EPN2: variants seen among roughly 807,000 people sequenced by gnomAD.
EPN2 encodes the protein epsin 2.
Under a neutral mutation model 61.7 loss-of-function variants are expected in EPN2, and 34 were observed. The observed-to-expected ratio is 0.55, with a 90% CI of 0.42 to 0.73. EPN2 has a LOEUF of 0.73. Ranked by LOEUF, EPN2 falls within the 30% of genes least tolerant of loss-of-function variation. The pLI is 0.00. For synonymous variants in EPN2, 349 were observed against 353.6 expected (o/e 0.99, Z 0.15); for missense variants, 714 against 839.2 (o/e 0.85, Z 1.84).
chr17:19,282,852 C>A (rs1273182059), intron 2 of EPN2, 98 bp from the exon 3 acceptor site: 2 of 399,614 alleles, frequency 5.0e-6, no homozygotes, highest in Non-Finnish European at 9.0e-6. Flanking sequence ...TATGTCCACT[C>A]AGCTCCCCAG....
intron 4 of EPN2, among the ~76,000 whole-genome samples, chr17:19,294,573 TAGA>T (rs2045496807): frequency 2.0e-5 from 3 of 152,254 alleles, no homozygotes; most frequent in Admixed American, 2.0e-4. Context: ...TCAATAAGTG[TAGA>T]AGGTTTCTCG....
rs574471766 is a variant in EPN2 at position 19,329,330 on chromosome 17, G to A, written c.1325-231G>A. The A allele has an allele frequency of 3.7e-5, 18 of 488,460 alleles. No individual in the cohort carries two copies. In the South Asian group the frequency reaches 6.4e-4, roughly 17 times the overall value. 30.3% of individuals were successfully genotyped at this position (488,460 alleles called of 1,614,324 possible). A position where few individuals can be genotyped will look rare whatever the true frequency, so the allele number is the denominator to read the frequency against. On this transcript the variant is annotated intron_variant, in intron 8 of 10. Coordinates refer to ENST00000314728, the MANE Select transcript of EPN2 (RefSeq NM_014964.5). ...GTGAGGGTGTTAGAAGCAGTAGCAG[G>A]TGGGCATCCCACACCCTGTCCTGGG... is the stretch of plus-strand genomic sequence containing the variant.
intron 7 of EPN2, among the ~76,000 whole-genome samples, chr17:19,324,454 C>T (rs1240559826): frequency 6.6e-6 from 1 of 152,172 alleles, no homozygotes; most frequent in Non-Finnish European, 1.5e-5. Flanking sequence ...CTGCCTCAGT[C>T]TCCCGAGTAG....
At chr17:19,306,491 T>C (rs575882963) in intron 4 of EPN2, among the ~76,000 whole-genome samples, 18 of 152,384 alleles carry the variant, frequency 1.2e-4, no homozygotes, top group Non-Finnish European at 1.8e-4. Context: ...TTGTCTTTAA[T>C]TTCTACATTG....
intron 4 of EPN2, among the ~76,000 whole-genome samples, chr17:19,287,281 C>T (rs1256632197): frequency 1.3e-5 from 2 of 152,042 alleles, no homozygotes; most frequent in African/African-American, 2.4e-5. Flanking sequence ...TTAAGGTATC[C>T]ACCCCGTGTG....
chr17:19,283,473 C>T lies in EPN2; in HGVS notation c.354C>T (p.Asp118=), dbSNP rs747758321. 1 of 1,614,190 alleles carries T rather than the reference C, an allele frequency of 6.2e-7. No homozygotes were observed. ...DFQYIDRDGK[D]QGINVREKSK... ...AGTACATTGACCGAGATGGCAAGGACCAGGGCATCAATGTGCGTGAGAAGT... is the reference window on the plus strand; with the variant it reads ...AGTACATTGACCGAGATGGCAAGGATCAGGGCATCAATGTGCGTGAGAAGT... Residue 118 remains aspartate, a synonymous_variant, in exon 3 of 11, where the codon GAC becomes GAT. Coordinates refer to ENST00000314728, the MANE Select transcript of EPN2 (RefSeq NM_014964.5). The surrounding 1 kb of genome is among the most constrained non-coding windows in gnomAD (Gnocchi z 7.0).
intron 4 of EPN2, among the ~76,000 whole-genome samples, chr17:19,293,258 T>C (rs865970161): frequency 6.6e-6 from 1 of 150,488 alleles, no homozygotes; most frequent in Middle Eastern, 3.4e-3. Context: ...TGGGCACCTG[T>C]AATCCCAGCT....
chr17:19,334,083 G>T lies in EPN2; in HGVS notation c.1755G>T (p.Val585=). 1 of 1,609,746 alleles carries T rather than the reference G, an allele frequency of 6.2e-7. No individual in the cohort carries two copies. The highest frequency in any genetic ancestry group is 1.1e-5 in the South Asian group (1 of 90,128). ...CATCCTTTGGGCCTGGCCCAGGAGT[G>T]GAGTCCATGGCTGTGGCCTCGATGA... ...TSTSFGPGPG[V]ESMAVASMTS... is the part of the protein sequence containing the mutation. Residue 585 remains valine (V), a synonymous_variant, in exon 11 of 11, where the codon GTG becomes GTT. Transcript: ENST00000314728. This position sits in a 1 kb window ranked among gnomAD's most constrained non-coding sequence, Gnocchi z 4.9.
At chr17:19,327,307 CAA>C (rs1906925827) in intron 7 of EPN2, among the ~76,000 whole-genome samples, 1 of 152,066 alleles carries the variant, frequency 6.6e-6, no homozygotes, top group Non-Finnish European at 1.5e-5. Flanking sequence ...ATGACTCTCT[CAA>C]ATAAAATGTG....
rs1475823620 is a variant in EPN2 at position 19,283,980 on chromosome 17, C to T, written c.595+266C>T. 1.3e-5 allele frequency among the ~76,000 whole-genome samples: 2 copies of T among 152,184 alleles called. No individual in the cohort carries two copies. Among genetic ancestry groups the T allele is most frequent in the African/African-American group, 2.4e-5 (1 of 41,440 alleles). On this transcript the variant is annotated intron_variant, in intron 3 of 10. Coordinates refer to ENST00000314728, the MANE Select transcript of EPN2 (RefSeq NM_014964.5). This position sits in a 1 kb window ranked among gnomAD's most constrained non-coding sequence, Gnocchi z 7.0. ...GCCTCATTCTGTACATCTGGGCAGA[C>T]GGTGGGCAGAGGCAGGTCTTTTCTG...
chr17:19,244,620 A>G (rs1443963253), intron 1 of EPN2, among the ~76,000 whole-genome samples: 1 of 152,142 alleles, frequency 6.6e-6, no homozygotes, highest in Non-Finnish European at 1.5e-5. Flanking sequence ...TCATGTTTAC[A>G]GTTCGAATTT....
chr17:19,290,121 A>G (rs1276380066), intron 4 of EPN2, among the ~76,000 whole-genome samples: 2 of 152,074 alleles, frequency 1.3e-5, no homozygotes, highest in Non-Finnish European at 2.9e-5. Context: ...GGCTGCCCTC[A>G]CATGATCCTG....
intron 4 of EPN2, among the ~76,000 whole-genome samples, chr17:19,292,406 T>A (rs2045474369): frequency 2.0e-5 from 3 of 152,192 alleles, no homozygotes; most frequent in African/African-American, 7.2e-5. Context: ...TGAGACTCAT[T>A]TGGCATCTTG....
Position 19,334,265 on chromosome 17 carries a change from T to TGGGACC in EPN2, c.*12_*17dup, listed in dbSNP as rs1257908021. On this transcript the variant is annotated 3_prime_UTR_variant, in exon 11 of 11. Coordinates refer to ENST00000314728, the MANE Select transcript of EPN2 (RefSeq NM_014964.5). This position sits in a 1 kb window ranked among gnomAD's most constrained non-coding sequence, Gnocchi z 4.9. ...CCTTTCCTTCTCTAGTGCCTGGGCC[T>TGGGACC]GGGACCCACCCAGAGCACCTGTGCT... The TGGGACC allele has an allele frequency of 1.5e-5, 22 of 1,435,298 alleles. No homozygotes were observed. The highest frequency in any genetic ancestry group is 2.6e-5 in the Admixed American group (1 of 38,580). The allele number at this position is 1,435,298 out of a possible 1,614,324, so 88.9% of individuals were successfully genotyped here. A position where few individuals can be genotyped will look rare whatever the true frequency, so the allele number is the denominator to read the frequency against.
intron 4 of EPN2, chr17:19,307,872 A>T (rs1313826761): frequency 1.0e-6 from 1 of 982,696 alleles, no homozygotes; most frequent in African/African-American, 1.7e-5. Flanking sequence ...TTTATTCACC[A>T]TAGCCATGGC....
chr17:19,315,926 G>A (rs893940686), intron 7 of EPN2, among the ~76,000 whole-genome samples: 1 of 152,188 alleles, frequency 6.6e-6, no homozygotes, highest in African/African-American at 2.4e-5. Flanking sequence ...CAACCAGTAT[G>A]TGCTTTCTAT....
intron 1 of EPN2, among the ~76,000 whole-genome samples, chr17:19,253,687 C>G (rs1367871356): frequency 1.3e-5 from 2 of 152,150 alleles, no homozygotes. Context: ...GTGTGAGCCA[C>G]TGTGCCTGGC....
At chr17:19,287,533 A>G (rs542872777) in intron 4 of EPN2, among the ~76,000 whole-genome samples, 173 of 152,064 alleles carry the variant, frequency 1.1e-3, no homozygotes, top group Non-Finnish European at 2.0e-3. Flanking sequence ...TTCTTTCTTG[A>G]TGCTTCACAA....
At chr17:19,307,851 T>A (rs1006715934) in intron 4 of EPN2, 2 of 957,306 alleles carry the variant, frequency 2.1e-6, no homozygotes, top group African/African-American at 3.5e-5. Flanking sequence ...CATTTAGGCC[T>A]CTTCCCCTGT....
Sources: allele counts gnomAD v4.1 joint callset (sites outside exome capture counted in the v4.1 genomes callset), GRCh38; gene constraint gnomAD v4.1.1; non-coding constraint Gnocchi (gnomAD v3.1); transcripts MANE v1.5; gene names NCBI Gene and HGNC (gene_info 2026-07-23, HGNC 2026-07-21).